Variants in EMP2 observed in about 807,000 individuals in gnomAD.
The protein encoded by EMP2 is epithelial membrane protein 2.
A neutral mutation model predicts 13.7 loss-of-function variants in EMP2; 19 were observed. The ratio of observed to expected loss-of-function variants is 1.38; its 90% CI spans 0.97 to 2.03. The LOEUF (loss-of-function observed/expected upper bound fraction) is 2.03, where lower values mean the gene tolerates loss of function less well. Ranked by LOEUF, EMP2 falls within the 30% of genes most tolerant of loss-of-function variation. The pLI is 0.00. For synonymous variants in EMP2, 97 were observed against 84.7 expected (o/e 1.15, Z -0.80); for missense variants, 253 against 220.7 (o/e 1.15, Z -0.93).
intron 3 of EMP2, among the ~76,000 whole-genome samples, chr16:10,538,916 A>G (rs537711380): frequency 5.9e-5 from 9 of 152,226 alleles, no homozygotes; most frequent in East Asian, 1.9e-4. Context: ...CTTGGGCCCA[A>G]GTGATCCTCC....
At position 10,573,680 on chromosome 16, in the gene EMP2, T is replaced by C. The variant is rs551012265; in HGVS notation, c.-61+6869A>G. 4.6e-5 allele frequency among the ~76,000 whole-genome samples: 7 copies of C among 152,324 alleles called. No individual in the cohort carries two copies. The East Asian group carries it at 1.2e-3, about 25-fold the overall frequency. ...TCTTGGTTACAGATAAGGCTTGAGA[T>C]AAGATTGTATCCTTTCAATCCAGTT... On this transcript the variant is annotated intron_variant, in intron 1 of 4. Transcript: ENST00000359543.
chr16:10,568,608 A>G (rs1335507232), intron 1 of EMP2, among the ~76,000 whole-genome samples: 1 of 152,118 alleles, frequency 6.6e-6, no homozygotes, highest in Non-Finnish European at 1.5e-5. Flanking sequence ...TGGCCCTGCC[A>G]GGGTGTCACA....
intron 1 of EMP2, among the ~76,000 whole-genome samples, chr16:10,572,148 A>C (rs969665996): frequency 7.2e-5 from 11 of 152,204 alleles, no homozygotes; most frequent in African/African-American, 2.7e-4. Context: ...AGACAAGGGC[A>C]AAGACCCTTA....
At chr16:10,554,723 G>A (rs1247306825) in intron 1 of EMP2, among the ~76,000 whole-genome samples, 2 of 152,082 alleles carry the variant, frequency 1.3e-5, no homozygotes, top group African/African-American at 4.8e-5. Context: ...GTGCCTGCAG[G>A]CTTCAGTGCT....
chr16:10,553,046 A>G (rs2142189828), intron 1 of EMP2, among the ~76,000 whole-genome samples: 1 of 152,342 alleles, frequency 6.6e-6, no homozygotes, highest in East Asian at 1.9e-4. Flanking sequence ...AAAAACCAAA[A>G]TGCGGTAGCT....
At chr16:10,565,785 T>C (rs1037199641) in intron 1 of EMP2, among the ~76,000 whole-genome samples, 4 of 152,196 alleles carry the variant, frequency 2.6e-5, no homozygotes, top group East Asian at 1.9e-4. Flanking sequence ...CCCATTCCGA[T>C]GCACTTGGAA....
chr16:10,575,097 A>C (rs2050973143), intron 1 of EMP2, among the ~76,000 whole-genome samples: 1 of 151,910 alleles, frequency 6.6e-6, no homozygotes, highest in South Asian at 2.1e-4. Flanking sequence ...GAACTTTCTG[A>C]AACCATCACT....
intron 1 of EMP2, among the ~76,000 whole-genome samples, chr16:10,570,893 G>A (rs1209191101): frequency 6.6e-6 from 1 of 152,036 alleles, no homozygotes; most frequent in Non-Finnish European, 1.5e-5. Flanking sequence ...GACAGAAAGA[G>A]GAAGGCAATG....
chr16:10,550,305 T>C (rs193092323), intron 1 of EMP2, among the ~76,000 whole-genome samples: 1 of 152,346 alleles, frequency 6.6e-6, no homozygotes, highest in Admixed American at 6.5e-5. Context: ...AATAATGTTC[T>C]ACATGGCTTT....
chr16:10,538,225 C>T lies in EMP2; in HGVS notation c.170-151G>A, dbSNP rs116338622. ...CGTCTACATGGTCTGAGCACAAGGG[C>T]AGCCAAGGCGTCTTCCAGACCCCCT... On this transcript the variant is annotated intron_variant, in intron 3 of 4. Transcript: ENST00000359543. 3,495 of 898,676 alleles carry T rather than the reference C, an allele frequency of 3.9e-3. 85 individuals carry two copies. In the African/African-American group the frequency reaches 0.053, roughly 14 times the overall value. The allele number at this position is 898,676 out of a possible 1,614,324, so 55.7% of individuals were successfully genotyped here. A position where few individuals can be genotyped will look rare whatever the true frequency, so the allele number is the denominator to read the frequency against.
At chr16:10,569,564 C>T (rs2142208092) in intron 1 of EMP2, among the ~76,000 whole-genome samples, 1 of 152,260 alleles carries the variant, frequency 6.6e-6, no homozygotes, top group African/African-American at 2.4e-5. Flanking sequence ...AAGTGATCCT[C>T]TCACCTCAAC....
At chr16:10,543,153 G>A (rs1035304922) in intron 3 of EMP2, among the ~76,000 whole-genome samples, 16 of 152,156 alleles carry the variant, frequency 1.1e-4, no homozygotes, top group African/African-American at 7.2e-5. Context: ...GCCAGATCTC[G>A]GATTTCTTAC....
At position 10,532,731 on chromosome 16, in the gene EMP2, C is replaced by A. The variant is rs541814310; in HGVS notation, c.*174G>T. ...ATCTCAAGAATGCAAAAACTCTTCT[C>A]TCTTTTGGATTTTTTTTTTCTTTTT... On this transcript the variant is annotated 3_prime_UTR_variant, in exon 5 of 5. Transcript: ENST00000359543. 2.3e-5 allele frequency: 11 copies of A among 488,310 alleles called. No homozygotes were observed. In the East Asian group the frequency reaches 5.3e-4, roughly 23 times the overall value. 30.2% of individuals were successfully genotyped at this position (488,310 alleles called of 1,614,324 possible).
intron 4 of EMP2, among the ~76,000 whole-genome samples, chr16:10,535,690 A>G (rs1022271452): frequency 6.6e-6 from 1 of 152,172 alleles, no homozygotes; most frequent in African/African-American, 2.4e-5. Context: ...AGCCCGGGCA[A>G]CAGAGTAACC....
At chr16:10,536,675 T>G (rs1040871364) in intron 4 of EMP2, among the ~76,000 whole-genome samples, 9 of 152,170 alleles carry the variant, frequency 5.9e-5, no homozygotes. Context: ...CTAATACAAG[T>G]GGTACAGCAC....
intron 1 of EMP2, among the ~76,000 whole-genome samples, chr16:10,564,384 G>A (rs1411527945): frequency 6.6e-6 from 1 of 151,660 alleles, no homozygotes; most frequent in East Asian, 1.9e-4. Flanking sequence ...CCAGCTACTT[G>A]GGAGGCTGAG....
At chr16:10,537,203 A>G (rs1246417769) in intron 4 of EMP2, among the ~76,000 whole-genome samples, 1 of 152,236 alleles carries the variant, frequency 6.6e-6, no homozygotes, top group Non-Finnish European at 1.5e-5. Context: ...ATCGTCACTG[A>G]GAAACAACAA....
chr16:10,558,512 G>A (rs76792880), intron 1 of EMP2, among the ~76,000 whole-genome samples: 7,169 of 151,726 alleles, frequency 0.047, 252 homozygotes, highest in East Asian at 0.13. Flanking sequence ...TGTGTCGCAC[G>A]TCTAGCTCTG....
At chr16:10,563,242 A>G (rs974577349) in intron 1 of EMP2, among the ~76,000 whole-genome samples, 4 of 152,086 alleles carry the variant, frequency 2.6e-5, no homozygotes, top group African/African-American at 9.7e-5. Flanking sequence ...CCCAGGCTGG[A>G]GTGCAGTGGC....
Sources: gnomAD v4.1 joint callset for allele counts (sites outside exome capture counted in the v4.1 genomes callset) on GRCh38, gnomAD v4.1.1 for gene constraint, MANE v1.5 for transcripts, NCBI Gene and HGNC (gene_info 2026-07-23, HGNC 2026-07-21) for gene names.